The following SH3PXD2A variants were observed in gnomAD, a reference collection of about 807,000 sequenced individuals.
SH3PXD2A encodes the protein SH3 and PX domain-containing protein 2A.
In SH3PXD2A, 32 loss-of-function variants were observed where a neutral mutation model predicts 115.2. The ratio of observed to expected loss-of-function variants is 0.28; its 90% confidence interval spans 0.21 to 0.37. SH3PXD2A has a LOEUF of 0.37. Among genes scored for constraint, SH3PXD2A ranks in the 10% least tolerant of loss-of-function variants. SH3PXD2A has a pLI of 1.00. For missense variants in SH3PXD2A, 1,328 were observed against 1,498.7 expected, an observed-to-expected ratio of 0.89 and a Z score of 1.88; for synonymous variants, 610 against 629.1, an observed-to-expected ratio of 0.97 and a Z score of 0.45.
At chr10:103,754,523 C>A in intron 3 of SH3PXD2A, 1 of 152,288 alleles carries the variant, frequency 6.6e-6, no homozygotes. Context: ...CAGTCTTGCC[C>A]ATCTCCAATC....
intron 1 of SH3PXD2A, among the ~76,000 whole-genome samples, chr10:103,832,103 G>A (rs1278461432): frequency 6.6e-6 from 1 of 152,106 alleles, no homozygotes; most frequent in Non-Finnish European, 1.5e-5. Flanking sequence ...AAGCACTCTA[G>A]GCCTTTGCAA....
In SH3PXD2A at chr10:103,620,107, C is replaced by T. The variant is rs1031683411; in HGVS notation, c.802+2363G>A. 5.9e-5 allele frequency among the ~76,000 whole-genome samples: 9 copies of T among 152,222 alleles called. No homozygotes were observed. Among genetic ancestry groups the T allele is most frequent in the Non-Finnish European group, 1.0e-4 (7 of 68,036 alleles). On this transcript the variant is annotated intron_variant, in intron 10 of 14. Coordinates refer to ENST00000369774, the MANE Select transcript of SH3PXD2A (RefSeq NM_001394015.1). This position sits in a 1 kb window ranked among gnomAD's most constrained non-coding sequence, Gnocchi z 5.3. ...CCAGACAAGAGGAGGCCCAGACAGA[C>T]GGACATGGCCTCAGCGGGCAGCTGC...
At chr10:103,668,583 CACAT>C (rs762220714) in intron 7 of SH3PXD2A, 21 bp downstream of exon 7, 537 of 1,547,854 alleles carry the variant, frequency 3.5e-4, no homozygotes, top group Non-Finnish European at 4.4e-4. Flanking sequence ...CATGCTCACA[CACAT>C]GCATGCACGC....
intron 3 of SH3PXD2A, among the ~76,000 whole-genome samples, chr10:103,762,519 C>T (rs867408601): frequency 6.6e-6 from 1 of 152,198 alleles, no homozygotes; most frequent in Non-Finnish European, 1.5e-5. Context: ...CCCTTGCCCC[C>T]ACCACCACTC....
rs145222364 is a variant in SH3PXD2A at position 103,774,913 on chromosome 10, C to T, written c.154-7744G>A. Among the ~76,000 whole-genome samples the T allele has an allele frequency of 5.3e-4, 80 of 152,294 alleles. 1 individual carries two copies. The highest frequency in any genetic ancestry group is 1.6e-3 in the African/African-American group (68 of 41,548). ...ACTTAGGTCCTTGCTGCTAAAGTGC[C>T]GCCCTTCCGGTGTCCCAGCTGGACG... On this transcript the variant is annotated intron_variant, in intron 2 of 14. Coordinates refer to ENST00000369774, the MANE Select transcript of SH3PXD2A (RefSeq NM_001394015.1).
chr10:103,713,992 G>T (rs1450348978), intron 5 of SH3PXD2A, among the ~76,000 whole-genome samples: 4 of 152,154 alleles, frequency 2.6e-5, no homozygotes, highest in Non-Finnish European at 5.9e-5. Context: ...ATGAACACAC[G>T]CCTCCCACAA....
chr10:103,680,222 G>A (rs892152875), intron 6 of SH3PXD2A, among the ~76,000 whole-genome samples: 2 of 150,268 alleles, frequency 1.3e-5, no homozygotes, highest in Admixed American at 6.7e-5. Flanking sequence ...CAAGTAATCC[G>A]CCCAACTCGG....
intron 8 of SH3PXD2A, among the ~76,000 whole-genome samples, chr10:103,658,057 G>C (rs975792753): frequency 3.3e-5 from 5 of 152,248 alleles, no homozygotes; most frequent in African/African-American, 1.2e-4. Flanking sequence ...TCTACTGCAT[G>C]GTGTTGTTCC....
intron 5 of SH3PXD2A, among the ~76,000 whole-genome samples, chr10:103,715,140 G>A (rs560819172): frequency 6.6e-6 from 1 of 152,226 alleles, no homozygotes; most frequent in South Asian, 2.1e-4. Flanking sequence ...GCTAATGGAG[G>A]AAAGGAGAAG....
At chr10:103,650,044 G>C (rs187109856) in intron 8 of SH3PXD2A, among the ~76,000 whole-genome samples, 1 of 152,248 alleles carries the variant, frequency 6.6e-6, no homozygotes, top group African/African-American at 2.4e-5. Context: ...CTGATCTTGT[G>C]GGGAGAGGAG....
At chr10:103,728,319 T>C (rs1478797558) in intron 4 of SH3PXD2A, among the ~76,000 whole-genome samples, 2 of 152,126 alleles carry the variant, frequency 1.3e-5, no homozygotes, top group Non-Finnish European at 2.9e-5. Flanking sequence ...TGGTGAAGAG[T>C]ACACTCAGTA....
intron 4 of SH3PXD2A, among the ~76,000 whole-genome samples, chr10:103,725,532 G>A (rs2038230192): frequency 6.6e-6 from 1 of 152,108 alleles, no homozygotes; most frequent in African/African-American, 2.4e-5. Flanking sequence ...AGGTCAGGAG[G>A]TAGTCAGAGT....
At position 103,620,858 on chromosome 10, in the gene SH3PXD2A, G is replaced by A. The variant is rs77413011; in HGVS notation, c.802+1612C>T. ...GACTGGCATATATGTGGTGCAAGGCGTTGTGTGTATGAAGCTGTATGTGCC... is the reference window on the plus strand; with the variant it reads ...GACTGGCATATATGTGGTGCAAGGCATTGTGTGTATGAAGCTGTATGTGCC... On this transcript the variant is annotated intron_variant, in intron 10 of 14. Coordinates refer to ENST00000369774, the MANE Select transcript of SH3PXD2A (RefSeq NM_001394015.1). The surrounding 1 kb of genome is among the most constrained non-coding windows in gnomAD (Gnocchi z 5.3). Among the ~76,000 whole-genome samples, 1,293 of 152,278 alleles carry A rather than the reference G, an allele frequency of 8.5e-3. 21 individuals are homozygous for A. Among genetic ancestry groups the A allele is most frequent in the African/African-American group, 0.03 (1,233 of 41,538 alleles).
At chr10:103,738,808 T>TC (rs929638540) in intron 3 of SH3PXD2A, among the ~76,000 whole-genome samples, 9 of 152,012 alleles carry the variant, frequency 5.9e-5, no homozygotes, top group South Asian at 2.1e-4. Context: ...TTTTTTTTTT[T>TC]CCCGAGACGG....
In SH3PXD2A at chr10:103,780,744, C is replaced by T. The variant is rs930119845; in HGVS notation, c.154-13575G>A. Among the ~76,000 whole-genome samples the T allele has an allele frequency of 7.2e-5, 11 of 152,336 alleles. No homozygotes were observed. The East Asian group carries it at 1.7e-3, about 24-fold the overall frequency. On this transcript the variant is annotated intron_variant, in intron 2 of 14. Coordinates refer to ENST00000369774, the MANE Select transcript of SH3PXD2A (RefSeq NM_001394015.1). ...CCCTTCCTCCTCTGTTAGAAATTTC[C>T]TGGCATGAGAAACCAAGATACATGT...
At chr10:103,800,021 C>T (rs1350792490) in intron 2 of SH3PXD2A, among the ~76,000 whole-genome samples, 2 of 152,128 alleles carry the variant, frequency 1.3e-5, no homozygotes, top group East Asian at 3.9e-4. Context: ...ACACGGTACC[C>T]AAGATGACCT....
chr10:103,831,429 T>C (rs1053441361), intron 1 of SH3PXD2A, among the ~76,000 whole-genome samples: 1 of 152,246 alleles, frequency 6.6e-6, no homozygotes, highest in Admixed American at 6.5e-5. Context: ...AAGGTATGTG[T>C]GGCCAGGTGA....
chr10:103,659,270 A>G (rs11191759), intron 8 of SH3PXD2A, among the ~76,000 whole-genome samples: 1 of 151,974 alleles, frequency 6.6e-6, no homozygotes, highest in African/African-American at 2.4e-5. Context: ...CCCCAAAGAC[A>G]TGGGGGCTCA....
intron 2 of SH3PXD2A, among the ~76,000 whole-genome samples, chr10:103,789,224 C>T (rs569047774): frequency 1.3e-5 from 2 of 152,262 alleles, no homozygotes; most frequent in Non-Finnish European, 2.9e-5. Flanking sequence ...GGCCCCAGAT[C>T]GAAGCTGCCC....
Sources: allele counts gnomAD v4.1 joint callset (sites outside exome capture counted in the v4.1 genomes callset), GRCh38; gene constraint gnomAD v4.1.1; non-coding constraint Gnocchi (gnomAD v3.1); transcripts MANE v1.5; gene names NCBI Gene and HGNC (gene_info 2026-07-23, HGNC 2026-07-21).